PATJ: variants seen among roughly 807,000 people sequenced by gnomAD.
The protein encoded by PATJ is inaD-like protein.
PATJ carries 190 observed loss-of-function variants against 224.9 expected under a neutral mutation model. The ratio of observed to expected loss-of-function variants is 0.84; its 90% CI spans 0.75 to 0.95. PATJ has a LOEUF of 0.95. PATJ is among the 40% of genes least tolerant of loss of function. The pLI is 0.00. For synonymous variants in PATJ, 769 were observed against 820.3 expected, an observed-to-expected ratio of 0.94 and a Z score of 1.07; for missense variants, 2,121 against 2,270.3, an observed-to-expected ratio of 0.93 and a Z score of 1.34.
chr1:61,969,341 A>G (rs67412592), intron 27 of PATJ, among the ~76,000 whole-genome samples: 36,626 of 152,146 alleles, frequency 0.24, 4,898 homozygotes, highest in African/African-American at 0.35. Context: ...CAATCCTACC[A>G]ACGATGCATA....
intron 22 of PATJ, among the ~76,000 whole-genome samples, chr1:61,886,586 G>T (rs1195018401): frequency 1.3e-5 from 2 of 152,028 alleles, no homozygotes; most frequent in Non-Finnish European, 2.9e-5. Context: ...TTGGGAGGCT[G>T]AGGTGGGTAG....
chr1:62,127,959 C>T lies in PATJ; in HGVS notation c.5044-13C>T. ...ATTAAATATAAAAGCATTATGTTTT[C>T]TTCCTTTTTTAGGAGCTCAGTGATG... On this transcript the variant is annotated splice_polypyrimidine_tract_variant and intron_variant, in intron 39 of 43. Coordinates refer to ENST00000642238, the MANE Select transcript of PATJ (RefSeq NM_001350145.3). The T allele has an allele frequency of 1.2e-6, 2 of 1,613,588 alleles. No homozygotes were observed. Among genetic ancestry groups the T allele is most frequent in the Non-Finnish European group, 1.7e-6 (2 of 1,179,690 alleles).
At chr1:62,120,487 G>T (rs1664915820) in intron 37 of PATJ, among the ~76,000 whole-genome samples, 1 of 152,100 alleles carries the variant, frequency 6.6e-6, no homozygotes, top group Non-Finnish European at 1.5e-5. Context: ...CATAAGAAAG[G>T]CCCTTCACTA....
chr1:61,747,211 T>C (rs1028882491), intron 1 of PATJ, among the ~76,000 whole-genome samples: 1 of 152,190 alleles, frequency 6.6e-6, no homozygotes, highest in African/African-American at 2.4e-5. Context: ...TAGGGTTTTG[T>C]GTAGATTTGG....
At chr1:62,139,532 C>T (rs949663648) in intron 41 of PATJ, among the ~76,000 whole-genome samples, 1 of 151,960 alleles carries the variant, frequency 6.6e-6, no homozygotes, top group Non-Finnish European at 1.5e-5. Flanking sequence ...GGTGGAAGAG[C>T]TCTTCAGTGG....
chr1:61,947,994 G>C (rs1258756076), intron 27 of PATJ, among the ~76,000 whole-genome samples: 3 of 152,126 alleles, frequency 2.0e-5, no homozygotes, highest in Non-Finnish European at 2.9e-5. Context: ...ATGGTGCTGG[G>C]AAAACTGGCT....
chr1:61,987,041 A>G (rs941916535), intron 27 of PATJ, among the ~76,000 whole-genome samples: 18 of 152,040 alleles, frequency 1.2e-4, no homozygotes, highest in African/African-American at 3.9e-4. Context: ...CAAGTTTGAC[A>G]TCTAGAATTA....
chr1:62,161,058 T>A lies in PATJ; in HGVS notation c.*4T>A. ...AACCTTAACTGTGCTGTCATGAGCC[T>A]CGGGCCTGATCACAAGATAGATGTT... On this transcript the variant is annotated 3_prime_UTR_variant, in exon 44 of 44. Transcript: ENST00000642238. The A allele has an allele frequency of 2.0e-6, 3 of 1,485,716 alleles. No individual in the cohort carries two copies. Among genetic ancestry groups the A allele is most frequent in the Non-Finnish European group, 2.7e-6 (3 of 1,117,418 alleles). The allele number at this position is 1,485,716 out of a possible 1,614,324, so 92.0% of individuals were successfully genotyped here.
chr1:61,743,777 TAAC>T (rs541287320), intron 1 of PATJ, among the ~76,000 whole-genome samples: 116 of 152,016 alleles, frequency 7.6e-4, no homozygotes, highest in Non-Finnish European at 1.5e-3. Context: ...ATGTTAACAA[TAAC>T]AACAACAACA....
At chr1:62,008,966 C>T (rs554339832) in intron 28 of PATJ, among the ~76,000 whole-genome samples, 1 of 152,178 alleles carries the variant, frequency 6.6e-6, no homozygotes. Flanking sequence ...AAAGACATGT[C>T]TACATAATTT....
chr1:61,991,371 T>A (rs1338775461), intron 28 of PATJ: 1 of 380,556 alleles, frequency 2.6e-6, no homozygotes, highest in Non-Finnish European at 3.6e-6. Flanking sequence ...TTTGTTAAAA[T>A]GTTCCAACTT....
At chr1:61,992,371 G>A (rs556422825) in intron 28 of PATJ, among the ~76,000 whole-genome samples, 10 of 152,260 alleles carry the variant, frequency 6.6e-5, no homozygotes, top group African/African-American at 2.4e-4. Flanking sequence ...ACCCGCCTCA[G>A]CCTCCTAAAG....
At chr1:61,932,517 A>G (rs986818594) in intron 27 of PATJ, among the ~76,000 whole-genome samples, 4 of 152,230 alleles carry the variant, frequency 2.6e-5, no homozygotes, top group Non-Finnish European at 5.9e-5. Context: ...GAATGCTGCT[A>G]AGAAGTTGAG....
At chr1:61,794,177 C>G (rs1250307538) in intron 9 of PATJ, among the ~76,000 whole-genome samples, 2 of 152,088 alleles carry the variant, frequency 1.3e-5, no homozygotes, top group African/African-American at 4.8e-5. Context: ...GCTGGGATTA[C>G]AGGCGTGAGC....
chr1:62,139,084 G>T lies in PATJ; in HGVS notation c.5272-9200G>T, dbSNP rs1200980056. Among the ~76,000 whole-genome samples, 3 of 152,134 alleles carry T rather than the reference G, an allele frequency of 2.0e-5. No homozygotes were observed. In the East Asian group the frequency reaches 5.8e-4, roughly 29 times the overall value. ...AACCTTTCGCAGAAGTTTACAGCCA[G>T]GAGTGTAAGATTTACTTTTAAAAAA... is the stretch of plus-strand genomic sequence containing the variant. On this transcript the variant is annotated intron_variant, in intron 41 of 43. Transcript: ENST00000642238.
intron 27 of PATJ, among the ~76,000 whole-genome samples, chr1:61,948,446 A>T (rs1400369229): frequency 6.6e-6 from 1 of 152,272 alleles, no homozygotes; most frequent in Non-Finnish European, 1.5e-5. Context: ...TTATGCAGCC[A>T]ACAGACACAT....
intron 21 of PATJ, among the ~76,000 whole-genome samples, chr1:61,879,833 A>ATT (rs11386909): frequency 0.015 from 2,239 of 145,614 alleles, 24 homozygotes; most frequent in African/African-American, 0.024. Flanking sequence ...TACTCCATCT[A>ATT]TTTTTTTTTT....
chr1:61,748,355 A>C (rs1373219780), intron 1 of PATJ, among the ~76,000 whole-genome samples: 1 of 144,054 alleles, frequency 6.9e-6, no homozygotes, highest in Admixed American at 7.5e-5. Context: ...CCCAGGTTCA[A>C]GCCATTCTCC....
chr1:61,756,128 C>T (rs1303198732), intron 1 of PATJ, among the ~76,000 whole-genome samples: 1 of 152,186 alleles, frequency 6.6e-6, no homozygotes, highest in Non-Finnish European at 1.5e-5. Flanking sequence ...AGACATTTTA[C>T]TCTGCCATAT....
Sources: allele counts gnomAD v4.1 joint callset (sites outside exome capture counted in the v4.1 genomes callset), GRCh38; gene constraint gnomAD v4.1.1; transcripts MANE v1.5; gene names NCBI Gene and HGNC (gene_info 2026-07-23, HGNC 2026-07-21).